PKN2: variants seen among roughly 807,000 people sequenced by gnomAD.
The protein encoded by PKN2 is serine/threonine-protein kinase N2.
Under a neutral mutation model 119.1 loss-of-function variants are expected in PKN2, and 38 were observed. The ratio of observed to expected loss-of-function variants is 0.32; its 90% confidence interval spans 0.25 to 0.42. The LOEUF (loss-of-function observed/expected upper bound fraction) is 0.42. Among genes scored for constraint, PKN2 ranks in the 10% least tolerant of loss-of-function variants. The probability of loss-of-function intolerance (pLI) is 1.00; values close to 1 mark genes in which losing one functional copy is unlikely to be tolerated. For synonymous variants in PKN2, 390 were observed against 384.9 expected (o/e 1.01, Z -0.15); for missense variants, 850 against 1,165.1 (o/e 0.73, Z 3.94).
At chr1:88,798,634 A>T (rs1671187791) in intron 8 of PKN2, among the ~76,000 whole-genome samples, 1 of 152,218 alleles carries the variant, frequency 6.6e-6, no homozygotes, top group Non-Finnish European at 1.5e-5. Context: ...ACACAAAAAG[A>T]TTAAGAGATG....
intron 16 of PKN2, chr1:88,815,320 C>CT (rs1557631229): frequency 5.0e-6 from 1 of 201,106 alleles, no homozygotes; most frequent in East Asian, 1.7e-4. Flanking sequence ...AAGTACCTCC[C>CT]TTTATCATTC....
chr1:88,833,521 CTG>C lies in PKN2; in HGVS notation c.*76_*77del. 1 of 1,124,114 alleles carries C rather than the reference CTG, an allele frequency of 8.9e-7. No homozygotes were observed. The allele number at this position is 1,124,114 out of a possible 1,614,324, so 69.6% of individuals were successfully genotyped here. A position where few individuals can be genotyped will look rare whatever the true frequency, so the allele number is the denominator to read the frequency against. On this transcript the variant is annotated 3_prime_UTR_variant, in exon 22 of 22. Transcript: ENST00000370521. The stretch of plus-strand genomic sequence containing the variant: ...AAAATAGCAACCCTTCATTTGCTCT[CTG>C]TGCCACCAATAGCTTCTGAGTTTTT...
rs145341427 is a variant in PKN2, at chr1:88,753,977, A to G, written c.350-6245A>G. 3.4e-4 allele frequency among the ~76,000 whole-genome samples: 51 copies of G among 152,232 alleles called. No individual in the cohort carries two copies. In the East Asian group the frequency reaches 9.3e-3, roughly 28 times the overall value. ...GTTGCTGAAAACTGCCATAAATTTA[A>G]CTGTAATTCCTTTGAAGGTACCCTT... On this transcript the variant is annotated intron_variant, in intron 2 of 21. Coordinates refer to ENST00000370521, the MANE Select transcript of PKN2 (RefSeq NM_006256.4).
At chr1:88,765,839 A>T (rs1450788822) in intron 3 of PKN2, among the ~76,000 whole-genome samples, 2 of 152,134 alleles carry the variant, frequency 1.3e-5, no homozygotes, top group African/African-American at 4.8e-5. Context: ...TCTGTCGCCC[A>T]GGTTGTCACC....
chr1:88,710,319 T>C (rs1051145013), intron 1 of PKN2, among the ~76,000 whole-genome samples: 1 of 152,086 alleles, frequency 6.6e-6, no homozygotes, highest in African/African-American at 2.4e-5. Flanking sequence ...AAGAGAAAAA[T>C]TTTCCAGGCC....
intron 6 of PKN2, among the ~76,000 whole-genome samples, chr1:88,779,280 T>A (rs1185580922): frequency 6.6e-6 from 1 of 152,162 alleles, no homozygotes; most frequent in African/African-American, 2.4e-5. Flanking sequence ...AAACATTTGC[T>A]TATTTGTAGT....
At chr1:88,804,320 G>T in intron 8 of PKN2, 71 bp from the exon 9 acceptor site, 1 of 1,160,044 alleles carries the variant, frequency 8.6e-7, no homozygotes, top group Non-Finnish European at 1.2e-6. Flanking sequence ...TATTTTTTGT[G>T]ATATTTTATT....
At position 88,760,391 on chromosome 1, in the gene PKN2, TA is replaced by T. The variant is rs755966323; in HGVS notation, c.504+18del. 7.4e-7 allele frequency: 1 copy of T among 1,357,804 alleles called. No homozygotes were observed. The highest frequency in any genetic ancestry group is 1.3e-5 in the South Asian group (1 of 77,792). The allele number at this position is 1,357,804 out of a possible 1,614,324, so 84.1% of individuals were successfully genotyped here. ...GATCTTCAAAGGTAAGTGTAGTTAATAAATGTAACTATATAGTCAGTCATTA... is the reference window on the plus strand; with the variant it reads ...GATCTTCAAAGGTAAGTGTAGTTAATAATGTAACTATATAGTCAGTCATTA... On this transcript the variant is annotated intron_variant, in intron 3 of 21. Coordinates refer to ENST00000370521, the MANE Select transcript of PKN2 (RefSeq NM_006256.4).
chr1:88,759,764 T>C (rs1428163456), intron 2 of PKN2, among the ~76,000 whole-genome samples: 1 of 152,170 alleles, frequency 6.6e-6, no homozygotes, highest in African/African-American at 2.4e-5. Flanking sequence ...CTAGAAAATC[T>C]AGAAGAAATG....
At chr1:88,740,002 AT>A (rs769938648) in intron 1 of PKN2, among the ~76,000 whole-genome samples, 26 of 152,064 alleles carry the variant, frequency 1.7e-4, no homozygotes, top group Non-Finnish European at 3.1e-4. Flanking sequence ...GATTGAAAGT[AT>A]TAGGGGAAAA....
chr1:88,693,836 A>T (rs904552322), intron 1 of PKN2, among the ~76,000 whole-genome samples: 2 of 152,146 alleles, frequency 1.3e-5, no homozygotes, highest in African/African-American at 4.8e-5. Flanking sequence ...ACTTACTGTA[A>T]TTGCTTTTCA....
At chr1:88,821,740 T>C (rs1479307320) in intron 16 of PKN2, among the ~76,000 whole-genome samples, 1 of 152,252 alleles carries the variant, frequency 6.6e-6, no homozygotes, top group Non-Finnish European at 1.5e-5. Context: ...GCAAAGTTAA[T>C]GGCTTCCATT....
intron 19 of PKN2, among the ~76,000 whole-genome samples, 176 bp downstream of exon 19, chr1:88,828,799 A>G (rs759591757): frequency 6.6e-6 from 1 of 152,172 alleles, no homozygotes; most frequent in Non-Finnish European, 1.5e-5. Flanking sequence ...AAAGATTTTT[A>G]TGTGGTTTGT....
intron 6 of PKN2, among the ~76,000 whole-genome samples, chr1:88,773,882 A>G (rs1669987128): frequency 1.3e-5 from 2 of 152,182 alleles, no homozygotes; most frequent in African/African-American, 4.8e-5. Context: ...ATAGGTTTGT[A>G]GCACAGTCCC....
At position 88,823,586 on chromosome 1, in the gene PKN2, C is replaced by T. The variant is rs140630267; in HGVS notation, c.2343-724C>T. ...AGGCTTGGTGGTGGGCACCTGTAGT[C>T]CCAGCTACTTGGGAGGCTGAGGCAC... On this transcript the variant is annotated intron_variant, in intron 17 of 21. Coordinates refer to ENST00000370521, the MANE Select transcript of PKN2 (RefSeq NM_006256.4). 2.5e-3 allele frequency among the ~76,000 whole-genome samples: 372 copies of T among 151,502 alleles called. 1 individual carries two copies. The highest frequency in any genetic ancestry group is 8.7e-3 in the African/African-American group (360 of 41,236).
chr1:88,809,171 C>A (rs966400136), intron 15 of PKN2, among the ~76,000 whole-genome samples: 2 of 152,024 alleles, frequency 1.3e-5, no homozygotes, highest in African/African-American at 4.8e-5. Flanking sequence ...TTCTCATACA[C>A]CTCAATCACA....
chr1:88,769,386 G>T (rs60860821), intron 3 of PKN2, among the ~76,000 whole-genome samples: 16,976 of 152,058 alleles, frequency 0.11, 1,969 homozygotes, highest in African/African-American at 0.3. Context: ...TAGGTTTTTA[G>T]TTTAGGTTTA....
At chr1:88,821,680 T>C (rs1289920040) in intron 16 of PKN2, among the ~76,000 whole-genome samples, 2 of 152,230 alleles carry the variant, frequency 1.3e-5, no homozygotes, top group Non-Finnish European at 2.9e-5. Context: ...TAATTCCTCC[T>C]GCAGAACCAG....
chr1:88,736,258 C>A (rs1182801485), intron 1 of PKN2, among the ~76,000 whole-genome samples: 1 of 152,168 alleles, frequency 6.6e-6, no homozygotes, highest in East Asian at 1.9e-4. Context: ...TAAAACAGCT[C>A]TTTTGAATTC....
Sources: gnomAD v4.1 joint callset for allele counts (sites outside exome capture counted in the v4.1 genomes callset) on GRCh38, gnomAD v4.1.1 for gene constraint, MANE v1.5 for transcripts, NCBI Gene and HGNC (gene_info 2026-07-23, HGNC 2026-07-21) for gene names.